OPCML: variants seen among roughly 807,000 people sequenced by gnomAD.
OPCML encodes opioid binding protein/cell adhesion molecule like.
A neutral mutation model predicts 37.8 loss-of-function variants in OPCML; 13 were observed. That is an observed-to-expected ratio of 0.34 (90% CI 0.22 to 0.55). OPCML has a LOEUF of 0.55. Among genes scored for constraint, OPCML ranks in the 20% least tolerant of loss-of-function variants. The probability of loss-of-function intolerance (pLI) is 0.91; values close to 1 mark genes in which losing one functional copy is unlikely to be tolerated. For missense variants in OPCML, 341 were observed against 435.6 expected (o/e 0.78, Z 1.93); for synonymous variants, 176 against 168.8 (o/e 1.04, Z -0.33).
intron 1 of OPCML, among the ~76,000 whole-genome samples, chr11:133,389,379 A>AGTGT (rs1173052403): frequency 6.6e-6 from 1 of 152,226 alleles, no homozygotes; most frequent in Non-Finnish European, 1.5e-5. Context: ...GTAGGGCCTT[A>AGTGT]GTGTGGCTTT....
At chr11:132,691,811 T>C (rs905177365) in intron 2 of OPCML, among the ~76,000 whole-genome samples, 3 of 152,250 alleles carry the variant, frequency 2.0e-5, no homozygotes, top group Non-Finnish European at 4.4e-5. Context: ...TTTGAAACCA[T>C]GTCTCTTCTT....
At chr11:132,896,626 T>C (rs547867370) in intron 2 of OPCML, among the ~76,000 whole-genome samples, 1 of 152,330 alleles carries the variant, frequency 6.6e-6, no homozygotes, top group East Asian at 1.9e-4. Flanking sequence ...ATCAGAGATA[T>C]ATCAACTCGC....
At chr11:133,083,736 G>A (rs1313081746) in intron 1 of OPCML, among the ~76,000 whole-genome samples, 3 of 152,200 alleles carry the variant, frequency 2.0e-5, no homozygotes, top group African/African-American at 7.2e-5. Context: ...AATAACGGGA[G>A]GCCCATGTGG....
chr11:133,071,052 G>A (rs951407082), intron 1 of OPCML, among the ~76,000 whole-genome samples: 4 of 152,220 alleles, frequency 2.6e-5, no homozygotes, highest in Admixed American at 6.5e-5. Flanking sequence ...TGCAGGGTAC[G>A]TTCTTAGAGG....
At chr11:133,455,361 T>C (rs1242696444) in intron 1 of OPCML, among the ~76,000 whole-genome samples, 1 of 152,208 alleles carries the variant, frequency 6.6e-6, no homozygotes, top group African/African-American at 2.4e-5. Context: ...AATTTTATGA[T>C]TCCCACATAT....
chr11:132,848,080 A>C (rs1941633312), intron 2 of OPCML, among the ~76,000 whole-genome samples: 1 of 152,218 alleles, frequency 6.6e-6, no homozygotes, highest in Non-Finnish European at 1.5e-5. Context: ...ATAAGCATAT[A>C]GCCCTAATCA....
At chr11:133,445,704 C>T (rs1017680571) in intron 1 of OPCML, among the ~76,000 whole-genome samples, 1 of 152,182 alleles carries the variant, frequency 6.6e-6, no homozygotes, top group African/African-American at 2.4e-5. Context: ...AATGTAATTT[C>T]CCCCTTGGCT....
intron 2 of OPCML, among the ~76,000 whole-genome samples, chr11:132,750,282 G>A (rs1430800108): frequency 6.6e-6 from 1 of 152,122 alleles, no homozygotes; most frequent in Non-Finnish European, 1.5e-5. Context: ...CAATGGGCTG[G>A]AATGGAAGTA....
chr11:133,358,566 C>T (rs1005546253), intron 1 of OPCML, among the ~76,000 whole-genome samples: 7 of 152,138 alleles, frequency 4.6e-5, no homozygotes, highest in Non-Finnish European at 1.0e-4. Context: ...AATAGAGAAA[C>T]TTGCTGTTTT....
At chr11:133,454,060 C>G (rs1176946196) in intron 1 of OPCML, among the ~76,000 whole-genome samples, 2 of 152,158 alleles carry the variant, frequency 1.3e-5, no homozygotes, top group Non-Finnish European at 2.9e-5. Context: ...ATTCCCGAAA[C>G]AGGAATCCTG....
chr11:132,505,001 AC>A (rs2096253502), intron 4 of OPCML, among the ~76,000 whole-genome samples: 1 of 152,034 alleles, frequency 6.6e-6, no homozygotes, highest in Non-Finnish European at 1.5e-5. Flanking sequence ...AAATTCTTCA[AC>A]CATTACCATG....
chr11:133,465,831 A>G (rs922542468), intron 1 of OPCML, among the ~76,000 whole-genome samples: 2 of 152,230 alleles, frequency 1.3e-5, no homozygotes, highest in African/African-American at 4.8e-5. Flanking sequence ...CAAAATATGT[A>G]GCCAACAAAT....
intron 4 of OPCML, among the ~76,000 whole-genome samples, chr11:132,446,587 C>T (rs1235523523): frequency 6.6e-6 from 1 of 152,050 alleles, no homozygotes; most frequent in Non-Finnish European, 1.5e-5. Context: ...AGAGCTTAAA[C>T]AGCTAAGTTA....
chr11:132,665,451 A>G (rs1290924829), intron 2 of OPCML, among the ~76,000 whole-genome samples: 1 of 152,200 alleles, frequency 6.6e-6, no homozygotes, highest in African/African-American at 2.4e-5. Flanking sequence ...GGCAGCTCAG[A>G]ACAGAGTATC....
In OPCML at chr11:132,943,796, G is replaced by A. The variant is rs1296555928; in HGVS notation, c.62-786C>T. The A allele has an allele frequency of 6.7e-6, 1 of 150,272 alleles. No homozygotes were observed. The highest frequency in any genetic ancestry group is 1.5e-5 in the Non-Finnish European group (1 of 67,440). 9.3% of individuals were successfully genotyped at this position (150,272 alleles called of 1,614,324 possible). On this transcript the variant is annotated intron_variant, in intron 1 of 7. Transcript: ENST00000524381. The surrounding 1 kb of genome is among the most constrained non-coding windows in gnomAD (Gnocchi z 4.3). ...GCTCCGGGCGCACGGGGAGCTGGGCGGACGGCGGCCCCCGCCTCCTCCGGG... is the reference window on the plus strand; with the variant it reads ...GCTCCGGGCGCACGGGGAGCTGGGCAGACGGCGGCCCCCGCCTCCTCCGGG...
intron 2 of OPCML, among the ~76,000 whole-genome samples, chr11:132,689,818 G>T (rs1450580698): frequency 6.6e-6 from 1 of 152,112 alleles, no homozygotes; most frequent in East Asian, 1.9e-4. Context: ...AAAGAATGGG[G>T]CAGATGCATT....
chr11:132,548,947 G>A (rs2096375147), intron 3 of OPCML, among the ~76,000 whole-genome samples: 1 of 152,136 alleles, frequency 6.6e-6, no homozygotes, highest in South Asian at 2.1e-4. Flanking sequence ...CCATGAACTT[G>A]ATCAATAAAT....
intron 1 of OPCML, among the ~76,000 whole-genome samples, chr11:133,480,344 T>C (rs545864108): frequency 1.6e-4 from 25 of 152,250 alleles, no homozygotes; most frequent in Non-Finnish European, 2.4e-4. Context: ...TCCTTGTTCA[T>C]GTAACCTGGA....
At chr11:133,423,077 C>T (rs1054365397) in intron 1 of OPCML, 10 of 985,278 alleles carry the variant, frequency 1.0e-5, no homozygotes, top group Middle Eastern at 5.2e-4. Flanking sequence ...CTTATGCTCT[C>T]GAACGTGTTC....
Sources: allele counts gnomAD v4.1 joint callset (sites outside exome capture counted in the v4.1 genomes callset), GRCh38; gene constraint gnomAD v4.1.1; non-coding constraint Gnocchi (gnomAD v3.1); transcripts MANE v1.5; gene names NCBI Gene and HGNC (gene_info 2026-07-23, HGNC 2026-07-21).